DLG2: variants seen among roughly 807,000 people sequenced by gnomAD.
DLG2 encodes discs large MAGUK scaffold protein 2, also known as disks large homolog 2.
DLG2 carries 45 observed loss-of-function variants against 132.5 expected under a neutral mutation model. The observed-to-expected ratio is 0.34, with a 90% CI of 0.27 to 0.44. The LOEUF is 0.44. Ranked by LOEUF, DLG2 falls within the 20% of genes least tolerant of loss-of-function variation. The pLI is 1.00. For missense variants in DLG2, 1,045 were observed against 1,196.9 expected, an observed-to-expected ratio of 0.87 and a Z score of 1.87; for synonymous variants, 424 against 419.6, an observed-to-expected ratio of 1.01 and a Z score of -0.13.
intron 6 of DLG2, among the ~76,000 whole-genome samples, chr11:84,960,940 C>T (rs2052467531): frequency 6.6e-6 from 1 of 152,010 alleles, no homozygotes; most frequent in Non-Finnish European, 1.5e-5. Context: ...AAATACAGTC[C>T]TCTAACAAGT....
chr11:84,350,184 C>G (rs7105699), intron 7 of DLG2, among the ~76,000 whole-genome samples: 3 of 102,194 alleles, frequency 2.9e-5, no homozygotes, highest in Non-Finnish European at 6.5e-5. Flanking sequence ...TCCCCCCCCC[C>G]AAAAAAAAAA....
intron 3 of DLG2, among the ~76,000 whole-genome samples, chr11:85,590,614 T>C (rs2079253193): frequency 6.6e-6 from 1 of 151,870 alleles, no homozygotes; most frequent in Non-Finnish European, 1.5e-5. Context: ...TAAAATAATC[T>C]TTTAGAATTT....
At chr11:85,351,779 A>C (rs1314855303) in intron 3 of DLG2, among the ~76,000 whole-genome samples, 1 of 152,168 alleles carries the variant, frequency 6.6e-6, no homozygotes, top group Non-Finnish European at 1.5e-5. Flanking sequence ...GTGGTGGATA[A>C]GCTTTTTGAA....
At chr11:84,176,117 A>G (rs2095957759) in intron 8 of DLG2, among the ~76,000 whole-genome samples, 1 of 151,838 alleles carries the variant, frequency 6.6e-6, no homozygotes, top group African/African-American at 2.4e-5. Context: ...AGCAATAACC[A>G]TCAGTTTCCT....
At chr11:84,800,231 T>C (rs17808339) in intron 6 of DLG2, among the ~76,000 whole-genome samples, 13,012 of 152,250 alleles carry the variant, frequency 0.085, 629 homozygotes, top group Middle Eastern at 0.11. Flanking sequence ...TTGCTCTCCC[T>C]TTCTCTCCAT....
At chr11:85,085,053 T>C (rs1593894901) in intron 6 of DLG2, among the ~76,000 whole-genome samples, 1 of 152,172 alleles carries the variant, frequency 6.6e-6, no homozygotes, top group East Asian at 1.9e-4. Context: ...AAAGGAAATT[T>C]TGATTCTGAT....
chr11:85,198,195 C>T (rs1255853972), intron 4 of DLG2, among the ~76,000 whole-genome samples: 25 of 152,034 alleles, frequency 1.6e-4, no homozygotes, highest in Admixed American at 1.5e-3. Context: ...GCACTAGATT[C>T]GGAATTAAGA....
chr11:85,488,387 TA>T (rs574434031), intron 3 of DLG2, among the ~76,000 whole-genome samples: 250 of 138,954 alleles, frequency 1.8e-3, no homozygotes, highest in Middle Eastern at 3.7e-3. Context: ...AGACTGCGTC[TA>T]AAAAAAAAAA....
chr11:84,720,266 T>C (rs2061659758), intron 6 of DLG2: 1 of 985,204 alleles, frequency 1.0e-6, no homozygotes, highest in Non-Finnish European at 1.2e-6. Context: ...GGAGGCAACA[T>C]GCATTAAAAA....
At position 83,954,961 on chromosome 11, in the gene DLG2, C is replaced by T. The variant is rs1163561249; in HGVS notation, c.1340+7924G>A. Among the ~76,000 whole-genome samples, 8 of 152,244 alleles carry T rather than the reference C, an allele frequency of 5.3e-5. No homozygotes were observed. In the South Asian group the frequency reaches 6.2e-4, roughly 12 times the overall value. On this transcript the variant is annotated intron_variant, in intron 14 of 27. Transcript: ENST00000376104. ...ATAAATAAGTTGAAAAATCCATATA[C>T]GTAGATTACAACATGTTTGAGCAGC...
intron 17 of DLG2, among the ~76,000 whole-genome samples, chr11:83,822,439 GCTT>G (rs1175286159): frequency 6.6e-6 from 1 of 152,094 alleles, no homozygotes; most frequent in Non-Finnish European, 1.5e-5. Flanking sequence ...GTTCAGATAT[GCTT>G]CTTATTTGGG....
At position 85,331,656 on chromosome 11, in the gene DLG2, T is replaced by G. The variant is rs150008017; in HGVS notation, c.41-46291A>C. Among the ~76,000 whole-genome samples the G allele has an allele frequency of 1.0e-3, 159 of 152,318 alleles. 2 individuals are homozygous for G. In the Middle Eastern group the frequency reaches 0.014, roughly 13 times the overall value. The stretch of plus-strand genomic sequence containing the variant: ...AAGTAGTAGGCCCCGGTGGCTATGA[T>G]TCCCCTCTTTGTATCCATGTGTACT... On this transcript the variant is annotated intron_variant, in intron 3 of 27. Transcript: ENST00000376104.
chr11:83,609,073 C>A (rs1317583632), intron 19 of DLG2, among the ~76,000 whole-genome samples: 2 of 151,980 alleles, frequency 1.3e-5, no homozygotes, highest in South Asian at 4.2e-4. Flanking sequence ...TATGGTTTAA[C>A]CTAATATTTA....
chr11:85,522,250 C>CCA (rs2074375214), intron 3 of DLG2, among the ~76,000 whole-genome samples: 1 of 152,190 alleles, frequency 6.6e-6, no homozygotes, highest in African/African-American at 2.4e-5. Flanking sequence ...TTGGCAGCTT[C>CCA]CACACAGTAT....
chr11:83,776,088 T>C (rs2094572637), intron 18 of DLG2, among the ~76,000 whole-genome samples: 1 of 151,854 alleles, frequency 6.6e-6, no homozygotes, highest in African/African-American at 2.4e-5. Flanking sequence ...CGAGACTCTG[T>C]CTCAAAAATA....
chr11:85,407,335 G>A (rs1036906998), intron 3 of DLG2, among the ~76,000 whole-genome samples: 6 of 151,814 alleles, frequency 4.0e-5, no homozygotes, highest in African/African-American at 1.5e-4. Flanking sequence ...ATTCATGAAT[G>A]CCTTAAAATT....
At chr11:83,739,953 A>G (rs1593399419) in intron 18 of DLG2, among the ~76,000 whole-genome samples, 2 of 152,164 alleles carry the variant, frequency 1.3e-5, no homozygotes, top group African/African-American at 4.8e-5. Flanking sequence ...CTCTGAGGAG[A>G]GCAAATTTTA....
At chr11:84,914,407 T>C (rs2092324153) in intron 6 of DLG2, among the ~76,000 whole-genome samples, 1 of 152,248 alleles carries the variant, frequency 6.6e-6, no homozygotes. Flanking sequence ...GGAGTTTTAT[T>C]ATCATATTCA....
chr11:85,387,593 C>A (rs1418042629), intron 3 of DLG2, among the ~76,000 whole-genome samples: 1 of 152,178 alleles, frequency 6.6e-6, no homozygotes, highest in Non-Finnish European at 1.5e-5. Context: ...AATAATGCAA[C>A]TAATACAGCT....
Sources: gnomAD v4.1 joint callset for allele counts (sites outside exome capture counted in the v4.1 genomes callset) on GRCh38, gnomAD v4.1.1 for gene constraint, MANE v1.5 for transcripts, NCBI Gene and HGNC (gene_info 2026-07-23, HGNC 2026-07-21) for gene names.